The following SND1 variants were observed in gnomAD, a reference collection of about 807,000 sequenced individuals.
SND1 encodes the protein staphylococcal nuclease domain-containing protein 1.
Under a neutral mutation model 121.7 loss-of-function variants are expected in SND1, and 38 were observed. That is an observed-to-expected ratio of 0.31 (90% CI 0.24 to 0.41). The LOEUF (loss-of-function observed/expected upper bound fraction) is 0.41, where lower values mean the gene tolerates loss of function less well. SND1 is among the 10% of genes least tolerant of loss of function. The pLI, the probability that SND1 is intolerant of heterozygous loss-of-function variation, is 1.00. For missense variants in SND1, 868 were observed against 1,184.6 expected (o/e 0.73, Z 3.92); for synonymous variants, 401 against 447.4 (o/e 0.90, Z 1.31).
chr7:127,764,402 A>G (rs1328693381), intron 10 of SND1, among the ~76,000 whole-genome samples: 3 of 152,116 alleles, frequency 2.0e-5, no homozygotes, highest in East Asian at 1.9e-4. Context: ...TAATAGTGCA[A>G]TTTGGCTTTT....
intron 16 of SND1, among the ~76,000 whole-genome samples, chr7:128,016,144 C>CT (rs767867847): frequency 0.078 from 9,593 of 122,936 alleles, 513 homozygotes; most frequent in Middle Eastern, 0.21. Context: ...GGAACAACTT[C>CT]CTTTTTTTTT....
At position 127,986,602 on chromosome 7, in the gene SND1, G is replaced by A. The variant is rs540905074; in HGVS notation, c.1670-4345G>A. ...ACTTGATTTTATTTCCTTTTGTTTT[G>A]TTTTGTTTTGTTTTGTTTCAAATAG... On this transcript the variant is annotated intron_variant, in intron 15 of 23. Transcript: ENST00000354725. Among the ~76,000 whole-genome samples the A allele has an allele frequency of 2.6e-5, 4 of 152,270 alleles. No homozygotes were observed. The South Asian group carries it at 8.3e-4, about 32-fold the overall frequency.
intron 14 of SND1, among the ~76,000 whole-genome samples, chr7:127,919,209 A>T (rs1282435426): frequency 6.6e-6 from 1 of 152,136 alleles, no homozygotes; most frequent in Non-Finnish European, 1.5e-5. Context: ...CTTTACTAAC[A>T]TTTATTTTGA....
chr7:127,819,102 G>C (rs1798500077), intron 11 of SND1, among the ~76,000 whole-genome samples: 1 of 152,200 alleles, frequency 6.6e-6, no homozygotes, highest in South Asian at 2.1e-4. Flanking sequence ...TATAGGGAGA[G>C]AATGTAAGCA....
intron 10 of SND1, among the ~76,000 whole-genome samples, chr7:127,768,522 G>T (rs933201538): frequency 1.8e-4 from 27 of 152,288 alleles, no homozygotes; most frequent in Middle Eastern, 6.8e-3. Flanking sequence ...GATAGTTGAG[G>T]AATGTTTTCA....
intron 14 of SND1, among the ~76,000 whole-genome samples, chr7:127,910,766 G>A (rs909983825): frequency 2.0e-5 from 3 of 152,128 alleles, no homozygotes; most frequent in Non-Finnish European, 4.4e-5. Flanking sequence ...CCTACATCAT[G>A]TTCTCACGTC....
At chr7:127,790,998 G>C (rs999196473) in intron 10 of SND1, among the ~76,000 whole-genome samples, 1 of 152,150 alleles carries the variant, frequency 6.6e-6, no homozygotes, top group Admixed American at 6.6e-5. Flanking sequence ...TAGTAACTAA[G>C]TATCTTTGCA....
chr7:128,044,339 G>C (rs1792909299), intron 16 of SND1, among the ~76,000 whole-genome samples: 1 of 152,150 alleles, frequency 6.6e-6, no homozygotes, highest in Non-Finnish European at 1.5e-5. Context: ...GGGACAGGCA[G>C]ACTCCTAAAG....
At chr7:128,038,376 A>G (rs985270824) in intron 16 of SND1, among the ~76,000 whole-genome samples, 2 of 152,230 alleles carry the variant, frequency 1.3e-5, no homozygotes, top group African/African-American at 4.8e-5. Flanking sequence ...TACCGCGTAT[A>G]TATAGGTTAG....
chr7:128,060,265 A>T (rs1793209158), intron 16 of SND1, among the ~76,000 whole-genome samples: 1 of 152,142 alleles, frequency 6.6e-6, no homozygotes, highest in South Asian at 2.1e-4. Context: ...ATGATGCAGG[A>T]TCATGATATC....
chr7:127,962,714 G>A (rs1419137564), intron 15 of SND1, among the ~76,000 whole-genome samples: 1 of 152,176 alleles, frequency 6.6e-6, no homozygotes, highest in African/African-American at 2.4e-5. Flanking sequence ...AGCAAGCATT[G>A]AAAACTATCC....
intron 16 of SND1, among the ~76,000 whole-genome samples, chr7:128,003,629 CA>C (rs1360776162): frequency 2.0e-5 from 3 of 152,306 alleles, no homozygotes. Context: ...AAATAAATCT[CA>C]AACCACCGAC....
chr7:127,983,224 T>C (rs903032715), intron 15 of SND1, among the ~76,000 whole-genome samples: 1 of 151,934 alleles, frequency 6.6e-6, no homozygotes, highest in Admixed American at 6.6e-5. Flanking sequence ...AGTCTAGGGG[T>C]AAAAAACTGC....
rs76486066 is a variant in SND1, at chr7:127,768,377, T to A, written c.1153-39107T>A. Among the ~76,000 whole-genome samples the A allele has an allele frequency of 1.7e-3, 252 of 152,326 alleles. 1 individual carries two copies. The highest frequency in any genetic ancestry group is 2.5e-3 in the Non-Finnish European group (171 of 68,038). On this transcript the variant is annotated intron_variant, in intron 10 of 23. Transcript: ENST00000354725. ...TGGCAAATACCTGTTTTGGGTATGC[T>A]CAGTGACTCAGAATGGCCACCAAAC... is the stretch of plus-strand genomic sequence containing the variant.
intron 1 of SND1, among the ~76,000 whole-genome samples, chr7:127,683,185 A>T (rs1219555500): frequency 6.6e-6 from 1 of 152,132 alleles, no homozygotes; most frequent in Non-Finnish European, 1.5e-5. Context: ...TGAAGTGGAA[A>T]TAGCAAAAAG....
intron 9 of SND1, among the ~76,000 whole-genome samples, chr7:127,715,889 A>C (rs1796379810): frequency 6.6e-6 from 1 of 152,038 alleles, no homozygotes. Context: ...GTTTGTTTTT[A>C]GTTTTGGTGT....
At chr7:127,678,648 C>T (rs1192103330) in intron 1 of SND1, among the ~76,000 whole-genome samples, 2 of 152,174 alleles carry the variant, frequency 1.3e-5, no homozygotes, top group East Asian at 1.9e-4. Flanking sequence ...CAGAGAAAGG[C>T]CTCCCAGACC....
At chr7:128,017,692 G>T (rs181787730) in intron 16 of SND1, among the ~76,000 whole-genome samples, 4 of 152,166 alleles carry the variant, frequency 2.6e-5, no homozygotes, top group Admixed American at 6.5e-5. Flanking sequence ...CACTCGGGGA[G>T]GGGGGGCAAA....
chr7:127,795,645 T>C (rs1473286017), intron 10 of SND1, among the ~76,000 whole-genome samples: 3 of 152,222 alleles, frequency 2.0e-5, no homozygotes, highest in Middle Eastern at 3.4e-3. Flanking sequence ...CTTGTAGGTG[T>C]AGAGAGAATA....
Sources: gnomAD v4.1 joint callset for allele counts (sites outside exome capture counted in the v4.1 genomes callset) on GRCh38, gnomAD v4.1.1 for gene constraint, MANE v1.5 for transcripts, NCBI Gene and HGNC (gene_info 2026-07-23, HGNC 2026-07-21) for gene names.